DMXL2: variants seen among roughly 807,000 people sequenced by gnomAD.
DMXL2 encodes the protein dmX-like protein 2.
DMXL2 carries 103 observed loss-of-function variants against 331.1 expected under a neutral mutation model. The ratio of observed to expected loss-of-function variants is 0.31; its 90% CI spans 0.27 to 0.37. DMXL2 has a LOEUF of 0.37. Ranked by LOEUF, DMXL2 falls within the 10% of genes least tolerant of loss-of-function variation. The probability of loss-of-function intolerance (pLI) is 1.00; values close to 1 mark genes in which losing one functional copy is unlikely to be tolerated. For missense variants in DMXL2, 3,171 were observed against 3,642.9 expected (o/e 0.87, Z 3.33); for synonymous variants, 1,281 against 1,252.1 (o/e 1.02, Z -0.49).
Position 51,480,056 on chromosome 15 carries a change from T to C in DMXL2, c.6648A>G (p.Lys2216=), listed in dbSNP as rs774602973. The part of the protein sequence containing the change: ...PLLSASIAST[K]TVIANPVLYL... ...ACAATACAGGATTAGCTATGACTGT[T>C]TTTGTTGACGCAATACTTGCTGAAA... is the stretch of plus-strand genomic sequence containing the variant. The change falls in exon 25 of 44, where the codon AAA becomes AAG. Residue 2216 remains lysine, a synonymous_variant. Transcript: ENST00000560891. The C allele has an allele frequency of 6.2e-7, 1 of 1,603,122 alleles. No individual in the cohort carries two copies. Among genetic ancestry groups the C allele is most frequent in the South Asian group, 1.1e-5 (1 of 90,042 alleles).
intron 2 of DMXL2, 87 bp downstream of exon 2, chr15:51,575,969 G>C (rs191965131): frequency 1.5e-6 from 2 of 1,335,844 alleles, no homozygotes; most frequent in East Asian, 2.4e-5. Flanking sequence ...GAAATTATAC[G>C]CAAGCTTTGC....
intron 13 of DMXL2, among the ~76,000 whole-genome samples, chr15:51,532,707 C>T (rs1185229637): frequency 6.6e-5 from 10 of 152,072 alleles, no homozygotes; most frequent in Non-Finnish European, 1.3e-4. Flanking sequence ...CTGCAACTAA[C>T]ATTATATGTA....
chr15:51,559,841 T>C (rs1481688590), intron 6 of DMXL2, among the ~76,000 whole-genome samples: 1 of 152,230 alleles, frequency 6.6e-6, no homozygotes, highest in Non-Finnish European at 1.5e-5. Flanking sequence ...TATTGTATAC[T>C]ATGAGAGTGT....
chr15:51,484,968 C>A (rs1219210050), intron 23 of DMXL2, among the ~76,000 whole-genome samples: 2 of 141,716 alleles, frequency 1.4e-5, no homozygotes, highest in Admixed American at 1.5e-4. Context: ...CAACAACAGA[C>A]TAGATCGAGC....
intron 17 of DMXL2, among the ~76,000 whole-genome samples, chr15:51,502,157 C>T (rs185018539): frequency 3.5e-5 from 5 of 144,254 alleles, no homozygotes; most frequent in East Asian, 4.3e-4. Flanking sequence ...GGTGTGAACC[C>T]GGGAGGTGGA....
In DMXL2 at chr15:51,481,157, G is replaced by A. The variant is rs780795858; in HGVS notation, c.5949C>T (p.Asp1983=). The change falls in exon 24 of 44, where the codon GAC becomes GAT. Residue 1983 remains aspartate, a synonymous_variant. Coordinates refer to ENST00000560891, the MANE Select transcript of DMXL2 (RefSeq NM_001378457.1). ...PLNLDWGEDH[D]SALDEEEDDA... ...CGTCTTCCTCTTCATCTAAGGCACT[G>A]TCGTGATCTTCACCCCAATCAAGAT... 9 of 1,613,408 alleles carry A rather than the reference G, an allele frequency of 5.6e-6. No individual in the cohort carries two copies. In the East Asian group the frequency reaches 1.8e-4, roughly 32 times the overall value.
intron 6 of DMXL2, among the ~76,000 whole-genome samples, chr15:51,550,277 C>T (rs957295139): frequency 3.3e-5 from 5 of 152,108 alleles, no homozygotes; most frequent in Non-Finnish European, 1.5e-5. Flanking sequence ...GACAACCCTT[C>T]CCCTCAAGAA....
rs747567052 is a variant in DMXL2 at position 51,451,693 on chromosome 15, C to G, written c.8701G>C (p.Val2901Leu). ...GATATTAATGTGTCCCAGAGGCAAA[C>G]ATTTCTTTTAAAGAAACACAATAAC... ...TSGHSNDNRN[V>L]CLWDTLISPG... The change falls in exon 42 of 44, where the codon GTT becomes CTT. Residue 2901 changes from valine (V) to leucine (L), a missense_variant. This residue lies in a region of DMXL2 where 766 missense variants were observed against 940.5 expected (regional missense o/e 0.81). Transcript: ENST00000560891. 363 of 1,612,658 alleles carry G rather than the reference C, an allele frequency of 2.3e-4. No homozygotes were observed. The highest frequency in any genetic ancestry group is 4.8e-4 in the South Asian group (44 of 90,946).
chr15:51,453,713 T>C, intron 40 of DMXL2, 72 bp from the exon 41 acceptor site: 1 of 1,249,220 alleles, frequency 8.0e-7, no homozygotes, highest in Admixed American at 1.9e-5. Flanking sequence ...AACATACATG[T>C]CTGCTAATAA....
intron 6 of DMXL2, among the ~76,000 whole-genome samples, chr15:51,552,491 C>T (rs536515334): frequency 1.3e-5 from 2 of 152,160 alleles, no homozygotes; most frequent in African/African-American, 4.8e-5. Flanking sequence ...CTTTAATTTA[C>T]GCACAGTTAG....
intron 19 of DMXL2, 37 bp downstream of exon 19, chr15:51,494,987 A>G (rs1407186220): frequency 6.7e-7 from 1 of 1,490,642 alleles, no homozygotes; most frequent in East Asian, 2.3e-5. Flanking sequence ...AATATTAAGT[A>G]AAAGTTGTGC....
chr15:51,514,484 T>C lies in DMXL2; in HGVS notation c.2602A>G (p.Met868Val). 6.3e-7 allele frequency: 1 copy of C among 1,592,452 alleles called. No individual in the cohort carries two copies. The highest frequency in any genetic ancestry group is 8.6e-7 in the Non-Finnish European group (1 of 1,168,954). ...IIGYKPHKED[M>V]EKKETEIFFQ... ...AATATTTCTGTTTCCTTTTTCTCCA[T>C]ATCTTCCTTATGTGGTTTATATCCT... The change falls in exon 15 of 44, where the codon ATG becomes GTG. Residue 868 changes from methionine to valine, a missense_variant. Around this residue, in one of 7 missense-constraint regions of DMXL2, gnomAD observed 1,674 missense variants for 1,780.2 expected, o/e 0.94. Coordinates refer to ENST00000560891, the MANE Select transcript of DMXL2 (RefSeq NM_001378457.1).
chr15:51,464,882 AG>A lies in DMXL2; in HGVS notation c.7607-7del. 6.2e-7 allele frequency: 1 copy of A among 1,604,148 alleles called. No homozygotes were observed. The highest frequency in any genetic ancestry group is 1.3e-5 in the African/African-American group (1 of 74,690). The stretch of plus-strand genomic sequence containing the variant: ...TGGTGATGTTACAGGCAGCTCTACA[AG>A]GTGACAGAATATGTTATTTATTTTA... On this transcript the variant is annotated splice_region_variant and splice_polypyrimidine_tract_variant and intron_variant, in intron 31 of 43. Coordinates refer to ENST00000560891, the MANE Select transcript of DMXL2 (RefSeq NM_001378457.1).
chr15:51,555,208 T>C (rs1372306828), intron 6 of DMXL2, among the ~76,000 whole-genome samples: 3 of 152,146 alleles, frequency 2.0e-5, no homozygotes, highest in Non-Finnish European at 4.4e-5. Context: ...ACATAGATTG[T>C]ACAGAAGTGC....
chr15:51,583,106 C>CTTTTTTTTTTTTTCTTTTTT (rs2051563028), intron 1 of DMXL2, among the ~76,000 whole-genome samples: 6 of 87,186 alleles, frequency 6.9e-5, no homozygotes, highest in South Asian at 3.4e-4. Context: ...CTTCATTCTT[C>CTTTTTTTTTTTTTCTTTTTT]TTTTTTTTTT....
chr15:51,454,471 A>G (rs1371371317), intron 40 of DMXL2, among the ~76,000 whole-genome samples: 1 of 152,120 alleles, frequency 6.6e-6, no homozygotes, highest in Non-Finnish European at 1.5e-5. Context: ...ACAATTCTGG[A>G]ACAAATTGGA....
chr15:51,595,955 A>G (rs2052769972), intron 1 of DMXL2, among the ~76,000 whole-genome samples: 1 of 152,204 alleles, frequency 6.6e-6, no homozygotes, highest in Non-Finnish European at 1.5e-5. Context: ...TAGACCTAAA[A>G]CCATAAAAAC....
chr15:51,534,071 G>A (rs2048150144), intron 13 of DMXL2, among the ~76,000 whole-genome samples: 1 of 152,156 alleles, frequency 6.6e-6, no homozygotes, highest in African/African-American at 2.4e-5. Flanking sequence ...AGAAGACAAG[G>A]TTTAGCAGAG....
intron 14 of DMXL2, among the ~76,000 whole-genome samples, chr15:51,516,541 T>C (rs990439018): frequency 6.6e-6 from 1 of 152,240 alleles, no homozygotes; most frequent in Admixed American, 6.5e-5. Context: ...GCACTGTATT[T>C]TCTCTCAGCA....
Sources: gnomAD v4.1 joint callset for allele counts (sites outside exome capture counted in the v4.1 genomes callset) on GRCh38, gnomAD v4.1.1 for gene constraint, gnomAD v4.1.1 regional missense constraint, MANE v1.5 for transcripts, NCBI Gene and HGNC (gene_info 2026-07-23, HGNC 2026-07-21) for gene names.